PTPRQ: variants seen among roughly 807,000 people sequenced by gnomAD.
PTPRQ encodes the protein protein tyrosine phosphatase receptor type Q.
In PTPRQ, 199 loss-of-function variants were observed where a neutral mutation model predicts 246.0. The observed-to-expected ratio is 0.81, with a 90% CI of 0.72 to 0.91. The LOEUF (loss-of-function observed/expected upper bound fraction) is 0.91. Among genes scored for constraint, PTPRQ ranks in the 40% least tolerant of loss-of-function variants. The pLI is 0.00. For missense variants in PTPRQ, 2,624 were observed against 2,528.4 expected, an observed-to-expected ratio of 1.04 and a Z score of -0.81; for synonymous variants, 869 against 853.2, an observed-to-expected ratio of 1.02 and a Z score of -0.32.
chr12:80,472,627 C>A (rs1046007662), intron 8 of PTPRQ, among the ~76,000 whole-genome samples: 1 of 152,120 alleles, frequency 6.6e-6, no homozygotes, highest in Admixed American at 6.5e-5. Flanking sequence ...AGAAGAATTC[C>A]TATACTCCCA....
chr12:80,560,607 T>TA (rs201872837), intron 25 of PTPRQ, among the ~76,000 whole-genome samples: 3 of 152,092 alleles, frequency 2.0e-5, no homozygotes, highest in African/African-American at 7.2e-5. Context: ...TCCCCAAAAT[T>TA]AAAAAAAATT....
chr12:80,498,262 T>C (rs1894689268), intron 14 of PTPRQ, among the ~76,000 whole-genome samples: 1 of 152,082 alleles, frequency 6.6e-6, no homozygotes, highest in African/African-American at 2.4e-5. Flanking sequence ...TTAGCACCTA[T>C]TAAGGGTCAC....
intron 3 of PTPRQ, among the ~76,000 whole-genome samples, chr12:80,455,052 A>G (rs1317944880): frequency 1.3e-5 from 2 of 152,142 alleles, no homozygotes; most frequent in African/African-American, 2.4e-5. Context: ...GAGTGCCTGT[A>G]ATCCCAGCTA....
intron 8 of PTPRQ, among the ~76,000 whole-genome samples, chr12:80,476,051 T>C (rs965597451): frequency 6.6e-6 from 1 of 152,028 alleles, no homozygotes; most frequent in Non-Finnish European, 1.5e-5. Context: ...TTAGCTGTTT[T>C]TTTTTTTTCA....
At chr12:80,617,476 A>C (rs1312007950) in intron 30 of PTPRQ, among the ~76,000 whole-genome samples, 1 of 151,618 alleles carries the variant, frequency 6.6e-6, no homozygotes, top group East Asian at 1.9e-4. Context: ...TCACAAAATG[A>C]CTTCACAAAG....
At chr12:80,542,501 G>C (rs1896185806) in intron 22 of PTPRQ, 137 bp downstream of exon 22, 1 of 1,351,008 alleles carries the variant, frequency 7.4e-7, no homozygotes, top group East Asian at 2.7e-5. Context: ...TTACTTTGTT[G>C]ATTTTTTTTT....
intron 31 of PTPRQ, 76 bp downstream of exon 31, chr12:80,619,618 A>G: frequency 3.2e-6 from 4 of 1,258,768 alleles, no homozygotes; most frequent in Non-Finnish European, 4.1e-6. Context: ...TTTAGTTCAA[A>G]TTAAGATTGA....
chr12:80,630,980 C>T (rs1281305383), intron 33 of PTPRQ, among the ~76,000 whole-genome samples: 3 of 152,174 alleles, frequency 2.0e-5, no homozygotes, highest in Admixed American at 6.5e-5. Context: ...TCCCAAAGTG[C>T]TGGGATTATA....
chr12:80,497,126 T>A (rs527363491), intron 14 of PTPRQ, among the ~76,000 whole-genome samples: 1 of 151,952 alleles, frequency 6.6e-6, no homozygotes, highest in South Asian at 2.1e-4. Flanking sequence ...TTCTGGATGA[T>A]TCAAGCACGT....
intron 25 of PTPRQ, among the ~76,000 whole-genome samples, chr12:80,586,917 A>G (rs986472218): frequency 6.6e-6 from 1 of 152,196 alleles, no homozygotes; most frequent in Non-Finnish European, 1.5e-5. Context: ...ATATGAGAAG[A>G]TGTGTGTAGT....
intron 37 of PTPRQ, 120 bp downstream of exon 37, chr12:80,649,789 A>G (rs950062544): frequency 7.4e-7 from 1 of 1,343,168 alleles, no homozygotes; most frequent in Admixed American, 3.1e-5. Flanking sequence ...ATCAATACCC[A>G]ATTACCAGGT....
intron 25 of PTPRQ, among the ~76,000 whole-genome samples, chr12:80,577,571 A>G (rs1897309729): frequency 6.6e-6 from 1 of 152,176 alleles, no homozygotes. Context: ...GTATAACTAT[A>G]TGTATAACTA....
intron 35 of PTPRQ, among the ~76,000 whole-genome samples, chr12:80,635,683 A>C (rs1158978682): frequency 6.6e-6 from 1 of 152,082 alleles, no homozygotes; most frequent in East Asian, 1.9e-4. Flanking sequence ...TTAAAGAAAA[A>C]ATAATTATAA....
At chr12:80,470,759 T>TA (rs1176316675) in intron 7 of PTPRQ, among the ~76,000 whole-genome samples, 2 of 152,144 alleles carry the variant, frequency 1.3e-5, no homozygotes, top group African/African-American at 4.8e-5. Context: ...AATAGGTGAT[T>TA]AAATCAATGG....
At chr12:80,678,783 A>G in intron 44 of PTPRQ, 58 bp downstream of exon 44, 12 of 1,479,764 alleles carry the variant, frequency 8.1e-6, no homozygotes, top group Non-Finnish European at 1.1e-5. Context: ...CGGTAAGAAC[A>G]TAAATTTCAG....
intron 3 of PTPRQ, among the ~76,000 whole-genome samples, chr12:80,447,648 G>C (rs1037782617): frequency 1.3e-5 from 2 of 150,616 alleles, no homozygotes; most frequent in Non-Finnish European, 2.9e-5. Flanking sequence ...ACCATTTATT[G>C]AACAGAATAT....
intron 17 of PTPRQ, among the ~76,000 whole-genome samples, chr12:80,528,612 A>T (rs1895759316): frequency 6.6e-6 from 1 of 151,888 alleles, no homozygotes; most frequent in South Asian, 2.1e-4. Flanking sequence ...GCTAAATCTC[A>T]CTCATCTCAT....
At chr12:80,492,562 C>G (rs1360021534) in intron 9 of PTPRQ, among the ~76,000 whole-genome samples, 1 of 151,930 alleles carries the variant, frequency 6.6e-6, no homozygotes, top group Non-Finnish European at 1.5e-5. Flanking sequence ...TGAGAATCAT[C>G]TAGTTAGCTC....
At chr12:80,528,908 C>G (rs1218274604) in intron 17 of PTPRQ, among the ~76,000 whole-genome samples, 1 of 152,130 alleles carries the variant, frequency 6.6e-6, no homozygotes, top group Non-Finnish European at 1.5e-5. Context: ...TTAAATGTAT[C>G]TTTCCTACCA....
Sources: allele counts gnomAD v4.1 joint callset (sites outside exome capture counted in the v4.1 genomes callset), GRCh38; gene constraint gnomAD v4.1.1; transcripts MANE v1.5; gene names NCBI Gene and HGNC (gene_info 2026-07-23, HGNC 2026-07-21).